The following IL16 variants were observed in gnomAD, a reference collection of about 807,000 sequenced individuals.
The protein encoded by IL16 is interleukin 16, also known as pro-interleukin-16.
In IL16, 67 loss-of-function variants were observed where a neutral mutation model predicts 110.1. The ratio of observed to expected loss-of-function variants is 0.61; its 90% CI spans 0.50 to 0.75. IL16 has a LOEUF of 0.75. Ranked by LOEUF, IL16 falls within the 30% of genes least tolerant of loss-of-function variation. IL16 has a pLI of 0.00. For synonymous variants in IL16, 689 were observed against 662.9 expected (o/e 1.04, Z -0.61); for missense variants, 1,545 against 1,655.0 (o/e 0.93, Z 1.15).
Position 81,279,791 on chromosome 15 carries a change from T to C in IL16, c.1081+17T>C. The C allele has an allele frequency of 6.2e-7, 1 of 1,606,786 alleles. No individual in the cohort carries two copies. Among genetic ancestry groups the C allele is most frequent in the Non-Finnish European group, 8.5e-7 (1 of 1,173,784 alleles). On this transcript the variant is annotated intron_variant, in intron 8 of 18. Coordinates refer to ENST00000683961, the MANE Select transcript of IL16 (RefSeq NM_172217.5). ...TGCAGAAAGGTAGGAGTGCTGCAGC[T>C]GTGTCCCGTGCCTGGGTCTCCCAGC...
intron 1 of IL16, among the ~76,000 whole-genome samples, chr15:81,214,038 T>G (rs1053046774): frequency 2.0e-5 from 3 of 152,164 alleles, no homozygotes; most frequent in Admixed American, 6.5e-5. Flanking sequence ...TTTTTTTGTT[T>G]GTTTGTTTGT....
chr15:81,204,571 T>G (rs1044704571), intron 1 of IL16, among the ~76,000 whole-genome samples: 1 of 152,138 alleles, frequency 6.6e-6, no homozygotes, highest in African/African-American at 2.4e-5. Flanking sequence ...TCTGCATCTA[T>G]TGAGATAATC....
chr15:81,208,136 C>A (rs1896104359), intron 1 of IL16, among the ~76,000 whole-genome samples: 1 of 152,142 alleles, frequency 6.6e-6, no homozygotes, highest in Non-Finnish European at 1.5e-5. Flanking sequence ...TGATGATAAG[C>A]ATTTTTTCAT....
intron 1 of IL16, among the ~76,000 whole-genome samples, chr15:81,205,700 T>A (rs950617543): frequency 6.6e-6 from 1 of 151,948 alleles, no homozygotes; most frequent in African/African-American, 2.4e-5. Context: ...AGATTCAGTT[T>A]AAAAAAGGGA....
intron 13 of IL16, among the ~76,000 whole-genome samples, chr15:81,297,326 G>A (rs1900038635): frequency 6.6e-6 from 1 of 152,052 alleles, no homozygotes; most frequent in African/African-American, 2.4e-5. Flanking sequence ...AGGCCATTCT[G>A]GATAATTGGG....
chr15:81,237,171 G>A (rs187984205), intron 2 of IL16, among the ~76,000 whole-genome samples: 21 of 152,196 alleles, frequency 1.4e-4, no homozygotes, highest in Middle Eastern at 3.4e-3. Context: ...CCAAGTTTTA[G>A]TTATCCTCTA....
intron 12 of IL16, 140 bp from the exon 13 acceptor site, chr15:81,296,788 C>A: frequency 1.4e-6 from 1 of 722,304 alleles, no homozygotes; most frequent in Non-Finnish European, 2.3e-6. Flanking sequence ...AGAAAAGAAT[C>A]CTCTTTACAT....
chr15:81,307,068 G>C (rs1439280634), intron 18 of IL16, among the ~76,000 whole-genome samples: 2 of 152,140 alleles, frequency 1.3e-5, no homozygotes, highest in African/African-American at 2.4e-5. Flanking sequence ...TAGATATTTT[G>C]TTCATCAGGG....
chr15:81,267,280 T>C (rs1898423823), intron 4 of IL16, among the ~76,000 whole-genome samples: 1 of 152,106 alleles, frequency 6.6e-6, no homozygotes, highest in African/African-American at 2.4e-5. Context: ...CTGAAGAGAA[T>C]TGAGGGGTTA....
intron 14 of IL16, among the ~76,000 whole-genome samples, chr15:81,301,034 G>C (rs1900258261): frequency 6.6e-6 from 1 of 152,190 alleles, no homozygotes; most frequent in African/African-American, 2.4e-5. Flanking sequence ...GAAATTAGGA[G>C]ATGGATGAGA....
chr15:81,268,776 G>A (rs537300901), intron 4 of IL16, among the ~76,000 whole-genome samples: 2 of 152,312 alleles, frequency 1.3e-5, no homozygotes, highest in South Asian at 2.1e-4. Flanking sequence ...GCTATGTGTC[G>A]GGCACCATTT....
chr15:81,302,717 T>C (rs1900349484), intron 15 of IL16, among the ~76,000 whole-genome samples: 1 of 152,072 alleles, frequency 6.6e-6, no homozygotes, highest in East Asian at 1.9e-4. Flanking sequence ...GTCTGCATGG[T>C]GATGAAAAAA....
At chr15:81,197,217 C>A (rs185808952) in intron 1 of IL16, 65 bp downstream of exon 1, 28 of 1,096,938 alleles carry the variant, frequency 2.6e-5, no homozygotes, top group Admixed American at 1.1e-4. Flanking sequence ...AGGAAGCTGG[C>A]CTCTCTGACC....
intron 1 of IL16, among the ~76,000 whole-genome samples, chr15:81,188,195 T>G (rs1895444396): frequency 6.6e-6 from 1 of 152,164 alleles, no homozygotes; most frequent in Non-Finnish European, 1.5e-5. Context: ...GCTAGCAAGA[T>G]GAATACAAAA....
chr15:81,278,965 C>G (rs1049749263), intron 7 of IL16, 75 bp downstream of exon 7: 1 of 984,066 alleles, frequency 1.0e-6, no homozygotes, highest in Non-Finnish European at 1.7e-6. Flanking sequence ...AGCATCCAAA[C>G]CTACAAATTC....
chr15:81,249,523 A>T (rs764155572), intron 2 of IL16, among the ~76,000 whole-genome samples: 4 of 152,136 alleles, frequency 2.6e-5, no homozygotes, highest in Non-Finnish European at 5.9e-5. Context: ...CTGCTATATG[A>T]CTTATACAAT....
intron 1 of IL16, among the ~76,000 whole-genome samples, chr15:81,212,004 G>A (rs1330866779): frequency 1.3e-5 from 2 of 152,132 alleles, no homozygotes; most frequent in Non-Finnish European, 2.9e-5. Flanking sequence ...TAGACTGATT[G>A]TGGCTTCATA....
intron 2 of IL16, among the ~76,000 whole-genome samples, chr15:81,239,769 G>C (rs1897285787): frequency 7.6e-6 from 1 of 132,004 alleles, no homozygotes; most frequent in Non-Finnish European, 1.6e-5. Flanking sequence ...GAACAGGCTT[G>C]TCTTTGTTTG....
At position 81,189,120 on chromosome 15, in the gene IL16, A is replaced by AT. The variant is rs34519204; in HGVS notation, c.40+6245dup. The stretch of plus-strand genomic sequence containing the variant: ...AGGCACATGCCACCATGCCAAGATA[A>AT]TTTTTTTTTTTTTTTTTTTTTGAGA... On this transcript the variant is annotated intron_variant, in intron 1 of 18. Coordinates refer to the IL16 transcript ENST00000302987. Among the ~76,000 whole-genome samples, 504 of 126,872 alleles carry AT rather than the reference A, an allele frequency of 4.0e-3. 2 individuals are homozygous for AT. The highest frequency in any genetic ancestry group is 7.9e-3 in the Middle Eastern group (2 of 252). The allele number at this position is 126,872 out of a possible 152,430, so 83.2% of individuals were successfully genotyped here.
Sources: allele counts gnomAD v4.1 joint callset (sites outside exome capture counted in the v4.1 genomes callset), GRCh38; gene constraint gnomAD v4.1.1; transcripts MANE v1.5; gene names NCBI Gene and HGNC (gene_info 2026-07-23, HGNC 2026-07-21).